ITGA10: variants seen among roughly 807,000 people sequenced by gnomAD.
ITGA10 encodes integrin subunit alpha 10.
Under a neutral mutation model 145.2 loss-of-function variants are expected in ITGA10, and 105 were observed. That is an observed-to-expected ratio of 0.72 (90% CI 0.62 to 0.85). ITGA10 has a LOEUF of 0.85. Among genes scored for constraint, ITGA10 ranks in the 40% least tolerant of loss-of-function variants. The probability of loss-of-function intolerance (pLI) is 0.00; values close to 1 mark genes in which losing one functional copy is unlikely to be tolerated. For missense variants in ITGA10, 1,317 were observed against 1,444.5 expected, an observed-to-expected ratio of 0.91 and a Z score of 1.43; for synonymous variants, 506 against 557.8, an observed-to-expected ratio of 0.91 and a Z score of 1.31.
rs1559205307 is a variant in ITGA10 at position 145,902,245 on chromosome 1, C to T, written c.1149+1G>A. On this transcript the variant is annotated splice_donor_variant, in intron 10 of 29. Coordinates refer to ENST00000369304, the MANE Select transcript of ITGA10 (RefSeq NM_003637.5). LOFTEE classifies it high-confidence loss of function. ...GTAATGAAGGGGTCAATCTGTCCAACCTTTAGCCGATGAGTGGAGAAACCA... is the reference window on the plus strand; with the variant it reads ...GTAATGAAGGGGTCAATCTGTCCAATCTTTAGCCGATGAGTGGAGAAACCA... 2.5e-6 allele frequency: 4 copies of T among 1,614,074 alleles called. No homozygotes were observed. The highest frequency in any genetic ancestry group is 3.3e-5 in the Admixed American group (2 of 60,020).
At chr1:145,906,917 G>T in intron 3 of ITGA10, 93 bp from the exon 4 acceptor site, 3 of 1,166,572 alleles carry the variant, frequency 2.6e-6, no homozygotes, top group Non-Finnish European at 3.8e-6. Flanking sequence ...AGCAGGGATT[G>T]GTATCAGATT....
At chr1:145,902,224 T>C in intron 10 of ITGA10, 22 bp downstream of exon 10, 1 of 1,612,146 alleles carries the variant, frequency 6.2e-7, no homozygotes, top group South Asian at 1.1e-5. Flanking sequence ...GGAGAAGTAA[T>C]GAAGGGGTCA....
intron 1 of ITGA10, among the ~76,000 whole-genome samples, chr1:145,908,695 C>A (rs1481025492): frequency 3.3e-5 from 5 of 152,178 alleles, no homozygotes; most frequent in African/African-American, 1.2e-4. Flanking sequence ...TCAGGCTACC[C>A]CCTCACCATT....
At position 145,898,187 on chromosome 1, in the gene ITGA10, C is replaced by T. The variant is rs1553746093; in HGVS notation, c.2269G>A (p.Val757Met). Residue 757 changes from valine (V) to methionine (M), a missense_variant, in exon 18 of 30, where the codon GTG becomes ATG. Val to Met is a conservative substitution (Grantham distance 21). Coordinates refer to ENST00000369304, the MANE Select transcript of ITGA10 (RefSeq NM_003637.5). ...GTAGTATTGTCCAAGGCAAAGGTCA[C>T]AGTCAAGGCCACTGGCCGGAGGTAA... ...SDYLRPVALT[V>M]TFALDNTTKP... The T allele has an allele frequency of 1.9e-6, 3 of 1,614,022 alleles. No individual in the cohort carries two copies. Among genetic ancestry groups the T allele is most frequent in the Non-Finnish European group, 2.5e-6 (3 of 1,179,948 alleles).
rs200321608 is a variant in ITGA10 at position 145,902,782 on chromosome 1, A to G, written c.909+29T>C. 2.0e-4 allele frequency: 321 copies of G among 1,591,202 alleles called. 3 individuals carry two copies. In the East Asian group the frequency reaches 6.4e-3, roughly 32 times the overall value. ...GACACTGCCCCCCTGCCACTCCCCA[A>G]CTCTTCCAGATCCAGGGTGAATTCT... On this transcript the variant is annotated intron_variant, in intron 8 of 29. Coordinates refer to ENST00000369304, the MANE Select transcript of ITGA10 (RefSeq NM_003637.5).
Position 145,907,149 on chromosome 1 carries a change from TCC to T in ITGA10, c.165-1_165del. On this transcript the variant is annotated splice_acceptor_variant and coding_sequence_variant, in exon 3 of 30. Coordinates refer to ENST00000369304, the MANE Select transcript of ITGA10 (RefSeq NM_003637.5). LOFTEE classifies it high-confidence loss of function. ...CCATCCCAGGGGGCGCCCACCAGCATCCTGGGAAGAGGATGTGAATGTAAGTA... is the reference window on the plus strand; with the variant it reads ...CCATCCCAGGGGGCGCCCACCAGCATTGGGAAGAGGATGTGAATGTAAGTA... 6.4e-7 allele frequency: 1 copy of T among 1,559,516 alleles called. No individual in the cohort carries two copies. Among genetic ancestry groups the T allele is most frequent in the South Asian group, 1.2e-5 (1 of 84,684 alleles).
Position 145,895,936 on chromosome 1 carries a change from A to T in ITGA10, c.3033+47T>A, listed in dbSNP as rs1416577822. The T allele has an allele frequency of 2.1e-6, 3 of 1,452,100 alleles. No individual in the cohort carries two copies. The African/African-American group carries it at 4.2e-5, about 20-fold the overall frequency. The allele number at this position is 1,452,100 out of a possible 1,614,324, so 90.0% of individuals were successfully genotyped here. A position where few individuals can be genotyped will look rare whatever the true frequency, so the allele number is the denominator to read the frequency against. On this transcript the variant is annotated intron_variant, in intron 25 of 29. Coordinates refer to ENST00000369304, the MANE Select transcript of ITGA10 (RefSeq NM_003637.5). ...TGTGGTGTCCAGCTTCAGTGAGTCCACCAGCTCAAGGTGGCAGGATTCCAT... is the reference window on the plus strand; with the variant it reads ...TGTGGTGTCCAGCTTCAGTGAGTCCTCCAGCTCAAGGTGGCAGGATTCCAT...
chr1:145,904,950 G>T, intron 5 of ITGA10, 139 bp from the exon 6 acceptor site: 1 of 809,282 alleles, frequency 1.2e-6, no homozygotes, highest in Non-Finnish European at 2.0e-6. Context: ...CAGGCTCTGT[G>T]TAAGTGTAGA....
At chr1:145,894,392 G>A (rs587611105) in intron 27 of ITGA10, among the ~76,000 whole-genome samples, 1 of 152,184 alleles carries the variant, frequency 6.6e-6, no homozygotes, top group East Asian at 1.9e-4. Context: ...TTACAGGCGT[G>A]AGCCACCGCG....
At chr1:145,895,547 C>G in intron 26 of ITGA10, 84 bp downstream of exon 26, 1 of 1,438,866 alleles carries the variant, frequency 6.9e-7, no homozygotes, top group South Asian at 1.2e-5. Context: ...ATCCCTTCTT[C>G]CCCACTCCAG....
At chr1:145,893,448 G>A (rs1654961373) in intron 28 of ITGA10, 92 bp downstream of exon 28, 1 of 1,036,684 alleles carries the variant, frequency 9.6e-7, no homozygotes, top group East Asian at 2.6e-5. Flanking sequence ...GCCTGATGGA[G>A]ATGCCTTCGT....
At chr1:145,897,932 A>G (rs1553745954) in intron 18 of ITGA10, 32 bp from the exon 19 acceptor site, 2 of 1,559,612 alleles carry the variant, frequency 1.3e-6, no homozygotes, top group East Asian at 4.5e-5. Flanking sequence ...AAGGGTTGAG[A>G]GGAAAGCAAG....
intron 4 of ITGA10, 69 bp from the exon 5 acceptor site, chr1:145,906,577 G>T (rs1553751155): frequency 2.1e-6 from 3 of 1,416,482 alleles, no homozygotes; most frequent in African/African-American, 2.8e-5. Flanking sequence ...CCAGTTGAAG[G>T]AGGCATGAAG....
rs2101797454 is a variant in ITGA10, at chr1:145,901,337, G to A, written c.1444-59C>T. The A allele has an allele frequency of 1.3e-6, 2 of 1,589,142 alleles. No homozygotes were observed. The highest frequency in any genetic ancestry group is 1.7e-6 in the Non-Finnish European group (2 of 1,163,612). ...AAAGGGAAGGTAACTGTAGACAAGT[G>A]GACTCAGTGGGAAGCACTCACCAGC... On this transcript the variant is annotated intron_variant, in intron 12 of 29. Transcript: ENST00000369304. The surrounding 1 kb of genome is among the most constrained non-coding windows in gnomAD (Gnocchi z 4.3).
Position 145,901,226 on chromosome 1 carries a change from C to A in ITGA10, c.1496G>T (p.Gly499Val). 6.2e-7 allele frequency: 1 copy of A among 1,614,042 alleles called. No individual in the cohort carries two copies. Among genetic ancestry groups the A allele is most frequent in the Admixed American group, 1.7e-5 (1 of 59,992 alleles). Residue 499 changes from glycine to valine, a missense_variant, in exon 13 of 30, where the codon GGA becomes GTA. Physicochemically the swap from Gly to Val is moderately radical, Grantham distance 109. Transcript: ENST00000369304. This position sits in a 1 kb window ranked among gnomAD's most constrained non-coding sequence, Gnocchi z 4.3. The stretch of plus-strand genomic sequence containing the variant: ...AGCCACAAGTAAGACATCAGTTGTT[C>A]CATCCCTATCTGTATCCAATGGGCA... ...ELCPLDTDRD[G>V]TTDVLLVAAP...
intron 1 of ITGA10, among the ~76,000 whole-genome samples, chr1:145,908,448 C>G (rs1009692418): frequency 1.3e-5 from 2 of 152,142 alleles, no homozygotes; most frequent in African/African-American, 4.8e-5. Flanking sequence ...TTTAACTAAT[C>G]TACTCTCCCA....
At chr1:145,896,911 C>G (rs1655493617) in intron 22 of ITGA10, 53 bp from the exon 23 acceptor site, 1 of 1,545,150 alleles carries the variant, frequency 6.5e-7, no homozygotes, top group African/African-American at 1.4e-5. Flanking sequence ...CAGAAGACAC[C>G]CTTCTCTGTT....
At chr1:145,896,239 C>A (rs781900568) in intron 24 of ITGA10, 29 bp downstream of exon 24, 1 of 1,580,580 alleles carries the variant, frequency 6.3e-7, no homozygotes, top group Non-Finnish European at 8.7e-7. Context: ...CCACATTCTC[C>A]TCATGCCAAG....
At chr1:145,894,278 A>C (rs886978926) in intron 27 of ITGA10, among the ~76,000 whole-genome samples, 6 of 151,470 alleles carry the variant, frequency 4.0e-5, no homozygotes, top group African/African-American at 1.2e-4. Flanking sequence ...CACCTGGCTA[A>C]TTTTTTTATT....
Sources: allele counts gnomAD v4.1 joint callset (sites outside exome capture counted in the v4.1 genomes callset), GRCh38; gene constraint gnomAD v4.1.1; non-coding constraint Gnocchi (gnomAD v3.1); transcripts MANE v1.5; gene names NCBI Gene and HGNC (gene_info 2026-07-23, HGNC 2026-07-21).